Variants in ATXN10 observed in about 807,000 individuals in gnomAD.
The protein encoded by ATXN10 is ataxin 10.
ATXN10 carries 28 observed loss-of-function variants against 52.9 expected under a neutral mutation model. The observed-to-expected ratio is 0.53, with a 90% CI of 0.39 to 0.73. The LOEUF is 0.73. Among genes scored for constraint, ATXN10 ranks in the 30% least tolerant of loss-of-function variants. The pLI, the probability that ATXN10 is intolerant of heterozygous loss-of-function variation, is 0.00. For synonymous variants in ATXN10, 226 were observed against 221.5 expected (o/e 1.02, Z -0.18); for missense variants, 565 against 577.0 (o/e 0.98, Z 0.21).
Position 45,727,331 on chromosome 22 carries a change from A to ATATCTATCTATCTATC in ATXN10, c.729-2064_729-2049dup, listed in dbSNP as rs71315146. Among the ~76,000 whole-genome samples the ATATCTATCTATCTATC allele has an allele frequency of 6.9e-3, 1,018 of 146,794 alleles. 2 individuals are homozygous for ATATCTATCTATCTATC. The highest frequency in any genetic ancestry group is 8.7e-3 in the African/African-American group (344 of 39,328). On this transcript the variant is annotated intron_variant, in intron 6 of 11. Coordinates refer to ENST00000252934, the MANE Select transcript of ATXN10 (RefSeq NM_013236.4). The surrounding 1 kb of genome is among the most constrained non-coding windows in gnomAD (Gnocchi z 4.6). Reference sequence around the variant, plus strand: ...GTTCTGTCTGTCTGTCTATCTATCTATATCTATCTATCTATCTATCTATCT... The same window carrying ATATCTATCTATCTATC: ...GTTCTGTCTGTCTGTCTATCTATCTATATCTATCTATCTATCTATCTATCTATCTATCTATCTATCT...
In ATXN10 at chr22:45,740,366, T is replaced by C. The variant is rs750829563; in HGVS notation, c.1004-3T>C. On this transcript the variant is annotated splice_region_variant and splice_polypyrimidine_tract_variant and intron_variant, in intron 8 of 11. Coordinates refer to ENST00000252934, the MANE Select transcript of ATXN10 (RefSeq NM_013236.4). ...AAAATGAAGTTTACTCTTTTGGTTA[T>C]AGATCTTTTGCGGGTGATTCATGTA... 1.2e-6 allele frequency: 2 copies of C among 1,613,872 alleles called. No homozygotes were observed. The highest frequency in any genetic ancestry group is 2.2e-5 in the East Asian group (1 of 44,852).
At position 45,776,159 on chromosome 22, in the gene ATXN10, A is replaced by T. The variant is rs74852502; in HGVS notation, c.1174-30800A>T. Reference sequence around the variant, plus strand: ...AACCAGAGGTAGTAGTTTGCAGAATAAAAAAACACCCGTTGTGTAAAGGCT... The same window carrying T: ...AACCAGAGGTAGTAGTTTGCAGAATTAAAAAACACCCGTTGTGTAAAGGCT... On this transcript the variant is annotated intron_variant, in intron 9 of 11. Coordinates refer to ENST00000252934, the MANE Select transcript of ATXN10 (RefSeq NM_013236.4). Among the ~76,000 whole-genome samples the T allele has an allele frequency of 8.4e-3, 1,272 of 152,306 alleles. 44 individuals carry two copies. Among genetic ancestry groups the T allele is most frequent in the Admixed American group, 0.054 (826 of 15,300 alleles).
intron 10 of ATXN10, among the ~76,000 whole-genome samples, chr22:45,827,589 A>G (rs1928857211): frequency 6.6e-6 from 1 of 152,238 alleles, no homozygotes; most frequent in African/African-American, 2.4e-5. Flanking sequence ...TCAATACAGT[A>G]AGAAGATACA....
At chr22:45,773,844 ATGTT>A (rs138607806) in intron 9 of ATXN10, among the ~76,000 whole-genome samples, 2,257 of 152,162 alleles carry the variant, frequency 0.015, 63 homozygotes, top group African/African-American at 0.051. Flanking sequence ...AAATGAACTG[ATGTT>A]TGTTTGTTTG....
At chr22:45,741,962 C>T (rs980275395) in intron 9 of ATXN10, among the ~76,000 whole-genome samples, 1 of 152,050 alleles carries the variant, frequency 6.6e-6, no homozygotes, top group Admixed American at 6.6e-5. Context: ...TTGAGGGCAA[C>T]CATGGCATTG....
At chr22:45,740,205 TG>T (rs1358389527) in intron 8 of ATXN10, among the ~76,000 whole-genome samples, 163 bp from the exon 9 acceptor site, 1 of 152,166 alleles carries the variant, frequency 6.6e-6, no homozygotes, top group Admixed American at 6.5e-5. Context: ...AATCATTTTT[TG>T]AAGCAAAGGC....
chr22:45,706,694 A>ACTTGTTTATTTTCTAAATGTCCT (rs1924052799), intron 5 of ATXN10, among the ~76,000 whole-genome samples: 1 of 149,392 alleles, frequency 6.7e-6, no homozygotes, highest in African/African-American at 2.5e-5. Context: ...ATTTCCACAT[A>ACTTGTTTATTTTCTAAATGTCCT]TTTGTTTCTA....
At chr22:45,751,206 C>T (rs1345608774) in intron 9 of ATXN10, among the ~76,000 whole-genome samples, 1 of 152,228 alleles carries the variant, frequency 6.6e-6, no homozygotes, top group Non-Finnish European at 1.5e-5. Flanking sequence ...GCTGGGATTA[C>T]AGGTGTGAGC....
At chr22:45,729,271 A>G (rs1924992793) in intron 6 of ATXN10, among the ~76,000 whole-genome samples, 154 bp from the exon 7 acceptor site, 1 of 152,228 alleles carries the variant, frequency 6.6e-6, no homozygotes, top group South Asian at 2.1e-4. Context: ...ATTGATGAAG[A>G]TTAACTTTAT....
chr22:45,718,852 T>C lies in ATXN10; in HGVS notation c.728+359T>C, dbSNP rs1227948696. 1.3e-5 allele frequency among the ~76,000 whole-genome samples: 2 copies of C among 152,194 alleles called. No individual in the cohort carries two copies. Among genetic ancestry groups the C allele is most frequent in the African/African-American group, 4.8e-5 (2 of 41,450 alleles). On this transcript the variant is annotated intron_variant, in intron 6 of 11. Coordinates refer to ENST00000252934, the MANE Select transcript of ATXN10 (RefSeq NM_013236.4). This position sits in a 1 kb window ranked among gnomAD's most constrained non-coding sequence, Gnocchi z 4.4. ...TTTGTTTAGGTCATGGGTGTTATTA[T>C]TTGTGATACACTCTGCTAGGTTTGT...
rs979599880 is a variant in ATXN10, at chr22:45,715,403, T to A, written c.648-3010T>A. Among the ~76,000 whole-genome samples the A allele has an allele frequency of 2.0e-5, 3 of 152,192 alleles. No homozygotes were observed. Among genetic ancestry groups the A allele is most frequent in the African/African-American group, 7.2e-5 (3 of 41,460 alleles). On this transcript the variant is annotated intron_variant, in intron 5 of 11. Transcript: ENST00000252934. This position sits in a 1 kb window ranked among gnomAD's most constrained non-coding sequence, Gnocchi z 4.4. ...CAGTATAGACTGATGTTTTATACATTATATAAACATGATGATATGGATCAA... is the reference window on the plus strand; with the variant it reads ...CAGTATAGACTGATGTTTTATACATAATATAAACATGATGATATGGATCAA...
At chr22:45,682,140 T>C (rs1922948495) in intron 1 of ATXN10, among the ~76,000 whole-genome samples, 1 of 152,216 alleles carries the variant, frequency 6.6e-6, no homozygotes. Context: ...AATTTTTCCA[T>C]ACTAAGAAAA....
Position 45,672,045 on chromosome 22 carries a change from C to A in ATXN10, c.-19C>A, listed in dbSNP as rs1483917173. 6 of 1,534,682 alleles carry A rather than the reference C, an allele frequency of 3.9e-6. No individual in the cohort carries two copies. The Admixed American group carries it at 9.9e-5, about 25-fold the overall frequency. The stretch of plus-strand genomic sequence containing the variant: ...CCTTCCTCCTCCTCGTCAGGCTCGA[C>A]CCAGCTGTGAGCGGCAAGATGGCGG... On this transcript the variant is annotated 5_prime_UTR_variant, in exon 1 of 12. Transcript: ENST00000252934.
Position 45,715,496 on chromosome 22 carries a change from A to G in ATXN10, c.648-2917A>G, listed in dbSNP as rs1361995894. Among the ~76,000 whole-genome samples, 2 of 152,170 alleles carry G rather than the reference A, an allele frequency of 1.3e-5. No homozygotes were observed. The highest frequency in any genetic ancestry group is 2.4e-5 in the African/African-American group (1 of 41,428). On this transcript the variant is annotated intron_variant, in intron 5 of 11. Coordinates refer to ENST00000252934, the MANE Select transcript of ATXN10 (RefSeq NM_013236.4). This position sits in a 1 kb window ranked among gnomAD's most constrained non-coding sequence, Gnocchi z 4.4. ...GAATGCTACCTAACACAAATTTGTG[A>G]ACTTTCTTATAACATGAGTTGTTTT...
chr22:45,829,944 A>G (rs1355525044), intron 10 of ATXN10, among the ~76,000 whole-genome samples: 1 of 152,186 alleles, frequency 6.6e-6, no homozygotes, highest in African/African-American at 2.4e-5. Flanking sequence ...GAGCTGGAAG[A>G]CTCACACTTC....
At chr22:45,711,679 G>C (rs1044616086) in intron 5 of ATXN10, among the ~76,000 whole-genome samples, 1 of 152,014 alleles carries the variant, frequency 6.6e-6, no homozygotes, top group Non-Finnish European at 1.5e-5. Flanking sequence ...CATCTACAAT[G>C]ATCTCAAAAT....
At position 45,840,374 on chromosome 22, in the gene ATXN10, C is replaced by T. The variant is rs554942169; in HGVS notation, c.1238-2617C>T. Among the ~76,000 whole-genome samples, 2 of 152,228 alleles carry T rather than the reference C, an allele frequency of 1.3e-5. No individual in the cohort carries two copies. The highest frequency in any genetic ancestry group is 4.1e-4 in the South Asian group (2 of 4,822). ...GCATTGGAAACAGACAGCAGGTGCA[C>T]CTAATCTAAGCAGGTGCCGAGGGGT... On this transcript the variant is annotated intron_variant, in intron 10 of 11. Transcript: ENST00000252934. The surrounding 1 kb of genome is among the most constrained non-coding windows in gnomAD (Gnocchi z 5.8).
intron 9 of ATXN10, among the ~76,000 whole-genome samples, chr22:45,798,983 C>T (rs1927841168): frequency 6.6e-6 from 1 of 152,120 alleles, no homozygotes; most frequent in African/African-American, 2.4e-5. Context: ...TAAAATTTAA[C>T]AGACAGCTCA....
chr22:45,696,442 T>G lies in ATXN10; in HGVS notation c.391+3364T>G, dbSNP rs1923608473. 6.6e-6 allele frequency among the ~76,000 whole-genome samples: 1 copy of G among 152,196 alleles called. No individual in the cohort carries two copies. The highest frequency in any genetic ancestry group is 2.1e-4 in the South Asian group (1 of 4,834). The stretch of plus-strand genomic sequence containing the variant: ...TTCTCTTTTAATGATATATGCTAAA[T>G]AAAGAAGCAAAGGGGAAGTGCTGTA... On this transcript the variant is annotated intron_variant, in intron 3 of 11. Coordinates refer to ENST00000252934, the MANE Select transcript of ATXN10 (RefSeq NM_013236.4). The surrounding 1 kb of genome is among the most constrained non-coding windows in gnomAD (Gnocchi z 4.7).
Sources: gnomAD v4.1 joint callset for allele counts (sites outside exome capture counted in the v4.1 genomes callset) on GRCh38, gnomAD v4.1.1 for gene constraint, Gnocchi (gnomAD v3.1) non-coding constraint, MANE v1.5 for transcripts, NCBI Gene and HGNC (gene_info 2026-07-23, HGNC 2026-07-21) for gene names.